LRCH3: variants seen among roughly 807,000 people sequenced by gnomAD.
LRCH3 encodes the protein leucine rich repeats and calponin homology domain containing 3, also known as DISP complex protein LRCH3.
LRCH3 carries 68 observed loss-of-function variants against 104.5 expected under a neutral mutation model. The ratio of observed to expected loss-of-function variants is 0.65; its 90% CI spans 0.54 to 0.80. The LOEUF is 0.80. Ranked by LOEUF, LRCH3 falls within the 30% of genes least tolerant of loss-of-function variation. The probability of loss-of-function intolerance (pLI) is 0.00; values close to 1 mark genes in which losing one functional copy is unlikely to be tolerated. For synonymous variants in LRCH3, 344 were observed against 361.3 expected (o/e 0.95, Z 0.54); for missense variants, 951 against 953.9 (o/e 1.00, Z 0.04).
At chr3:197,873,422 GCTGAGCCCTCCTACCT>G (rs1467837135) in intron 19 of LRCH3, among the ~76,000 whole-genome samples, 3 of 152,126 alleles carry the variant, frequency 2.0e-5, no homozygotes, top group African/African-American at 7.2e-5. Flanking sequence ...CAAGCATGGG[GCTGAGCCCTCCTACCT>G]CAAGGAGGGA....
intron 20 of LRCH3, chr3:197,876,419 A>G (rs1712895544): frequency 6.6e-6 from 1 of 152,250 alleles, no homozygotes; most frequent in African/African-American, 2.4e-5. Flanking sequence ...CAGCTCAGTT[A>G]TAACTTTATT....
rs1354179045 is a variant in LRCH3, at chr3:197,884,764, G to A, written c.*1098G>A. 6.6e-6 allele frequency: 1 copy of A among 152,060 alleles called. No homozygotes were observed. The highest frequency in any genetic ancestry group is 1.5e-5 in the Non-Finnish European group (1 of 68,044). 9.4% of individuals were successfully genotyped at this position (152,060 alleles called of 1,614,324 possible). Reference sequence around the variant, plus strand: ...AAGGCAAAACAAAAATAATATAGAAGGCCTAGGTTTTGCATAGTCTTCTTT... The same window carrying A: ...AAGGCAAAACAAAAATAATATAGAAAGCCTAGGTTTTGCATAGTCTTCTTT... On this transcript the variant is annotated 3_prime_UTR_variant, in exon 21 of 21. Coordinates refer to ENST00000425562, the MANE Select transcript of LRCH3 (RefSeq NM_001365715.1).
At chr3:197,876,495 A>C (rs1455606786) in intron 20 of LRCH3, among the ~76,000 whole-genome samples, 1 of 152,258 alleles carries the variant, frequency 6.6e-6, no homozygotes, top group Non-Finnish European at 1.5e-5. Flanking sequence ...AACTTGATAC[A>C]GTCTTATCCA....
chr3:197,824,717 G>A (rs1252564019), intron 4 of LRCH3, among the ~76,000 whole-genome samples: 1 of 151,088 alleles, frequency 6.6e-6, no homozygotes, highest in African/African-American at 2.4e-5. Flanking sequence ...GATTATAGGA[G>A]CCCGCCACCA....
chr3:197,858,970 T>C (rs1486005859), intron 15 of LRCH3, 65 bp downstream of exon 15: 2 of 1,174,574 alleles, frequency 1.7e-6, no homozygotes, highest in Non-Finnish European at 2.6e-6. Flanking sequence ...GTCTTGAATT[T>C]TTTGGTGAAT....
intron 1 of LRCH3, among the ~76,000 whole-genome samples, chr3:197,801,160 C>T (rs1261334316): frequency 4.0e-5 from 6 of 150,238 alleles, no homozygotes; most frequent in East Asian, 3.9e-4. Flanking sequence ...ACCTTAGAAA[C>T]ATAATGTCGA....
At position 197,880,071 on chromosome 3, in the gene LRCH3, G is replaced by A. The variant is rs370945848; in HGVS notation, c.2209-3470G>A. Among the ~76,000 whole-genome samples the A allele has an allele frequency of 1.3e-3, 196 of 150,006 alleles. 3 individuals carry two copies. Among genetic ancestry groups the A allele is most frequent in the African/African-American group, 4.1e-3 (167 of 40,338 alleles). ...CGCCATTCTCCTGCCTCAGCCTCCC[G>A]AGTAGCTGGGACTACAGGCGCCCGC... On this transcript the variant is annotated intron_variant, in intron 20 of 20. Transcript: ENST00000425562.
chr3:197,830,273 G>A (rs1580694017), intron 6 of LRCH3, among the ~76,000 whole-genome samples: 2 of 152,152 alleles, frequency 1.3e-5, no homozygotes, highest in East Asian at 3.9e-4. Flanking sequence ...TTTGAAACAA[G>A]GTCTTACTAT....
At chr3:197,851,480 A>C (rs1739586733) in intron 12 of LRCH3, among the ~76,000 whole-genome samples, 1 of 152,178 alleles carries the variant, frequency 6.6e-6, no homozygotes. Context: ...AGGCATAAAA[A>C]CCAGATGGTT....
In LRCH3 at chr3:197,814,838, G is replaced by T. The variant is rs1172688638; in HGVS notation, c.263-70G>T. On this transcript the variant is annotated intron_variant, in intron 1 of 20. Coordinates refer to ENST00000425562, the MANE Select transcript of LRCH3 (RefSeq NM_001365715.1). ...ATAGTTTTATTTTTTAGTTTATGTGGAAAATCAAAAGATTTCAATAAAATA... is the reference window on the plus strand; with the variant it reads ...ATAGTTTTATTTTTTAGTTTATGTGTAAAATCAAAAGATTTCAATAAAATA... The T allele has an allele frequency of 1.6e-5, 21 of 1,324,090 alleles. No homozygotes were observed. The East Asian group carries it at 3.5e-4, about 22-fold the overall frequency. The allele number at this position is 1,324,090 out of a possible 1,614,324, so 82.0% of individuals were successfully genotyped here. A position where few individuals can be genotyped will look rare whatever the true frequency, so the allele number is the denominator to read the frequency against.
At chr3:197,879,888 C>A (rs1241513301) in intron 20 of LRCH3, among the ~76,000 whole-genome samples, 1 of 151,606 alleles carries the variant, frequency 6.6e-6, no homozygotes, top group Non-Finnish European at 1.5e-5. Context: ...GCTTCACACA[C>A]ACCTCACTAC....
rs1369905042 is a variant in LRCH3 at position 197,846,400 on chromosome 3, AC to A, written c.1329-1008del. 3.0e-3 allele frequency among the ~76,000 whole-genome samples: 427 copies of A among 143,092 alleles called. 21 individuals are homozygous for A. Among genetic ancestry groups the A allele is most frequent in the African/African-American group, 0.011 (392 of 35,566 alleles). The allele number at this position is 143,092 out of a possible 152,430, so 93.9% of individuals were successfully genotyped here. On this transcript the variant is annotated intron_variant, in intron 10 of 20. Transcript: ENST00000425562. Reference sequence around the variant, plus strand: ...CCTTGGGCCACAAAAAAAAAAAAAAACAAAAAAAAAACGGCTGGGCGCAGTG... The same window carrying A: ...CCTTGGGCCACAAAAAAAAAAAAAAAAAAAAAAAAACGGCTGGGCGCAGTG...
intron 10 of LRCH3, among the ~76,000 whole-genome samples, chr3:197,844,963 A>T (rs144760462): frequency 6.6e-6 from 1 of 152,058 alleles, no homozygotes; most frequent in African/African-American, 2.4e-5. Flanking sequence ...AGAAATAGCT[A>T]TTGGATTTGG....
At chr3:197,840,003 C>A (rs1395881026) in intron 10 of LRCH3, among the ~76,000 whole-genome samples, 1 of 150,716 alleles carries the variant, frequency 6.6e-6, no homozygotes, top group South Asian at 2.1e-4. Context: ...ATACAAAAAA[C>A]GAATTTCGAG....
rs755155304 is a variant in LRCH3, at chr3:197,887,480, CAG to C, written c.*3815_*3816del. 4 of 140,274 alleles carry C rather than the reference CAG, an allele frequency of 2.9e-5. No individual in the cohort carries two copies. The highest frequency in any genetic ancestry group is 6.1e-5 in the Non-Finnish European group (4 of 65,874). 8.7% of individuals were successfully genotyped at this position (140,274 alleles called of 1,614,324 possible). A position where few individuals can be genotyped will look rare whatever the true frequency, so the allele number is the denominator to read the frequency against. On this transcript the variant is annotated 3_prime_UTR_variant, in exon 21 of 21. Coordinates refer to ENST00000425562, the MANE Select transcript of LRCH3 (RefSeq NM_001365715.1). Reference sequence around the variant, plus strand: ...CCAGCAGAGCCCTTCCCATCACTGACAGTGTTGGGGGCTGAGAGCCCCCCAGC... The same window carrying C: ...CCAGCAGAGCCCTTCCCATCACTGACTGTTGGGGGCTGAGAGCCCCCCAGC...
chr3:197,819,007 T>C (rs1307862327), intron 3 of LRCH3, among the ~76,000 whole-genome samples: 2 of 151,770 alleles, frequency 1.3e-5, no homozygotes, highest in African/African-American at 4.8e-5. Flanking sequence ...GCACCTGTTA[T>C]CCCAGCAACT....
intron 4 of LRCH3, among the ~76,000 whole-genome samples, chr3:197,822,633 A>G (rs768837372): frequency 6.6e-6 from 1 of 152,202 alleles, no homozygotes; most frequent in Non-Finnish European, 1.5e-5. Context: ...GTGAAGCTTT[A>G]TTCCAACAGC....
intron 20 of LRCH3, among the ~76,000 whole-genome samples, chr3:197,879,975 T>G (rs546821725): frequency 1.6e-3 from 234 of 150,056 alleles, no homozygotes; most frequent in Non-Finnish European, 2.6e-3. Context: ...AGACGGAGTC[T>G]CGCTCTGTCA....
chr3:197,879,429 G>A (rs564693533), intron 20 of LRCH3, among the ~76,000 whole-genome samples: 42 of 151,662 alleles, frequency 2.8e-4, no homozygotes, highest in Admixed American at 1.9e-3. Context: ...GGCGGATCAC[G>A]AGGTCAGGAG....
Sources: allele counts gnomAD v4.1 joint callset (sites outside exome capture counted in the v4.1 genomes callset), GRCh38; gene constraint gnomAD v4.1.1; transcripts MANE v1.5; gene names NCBI Gene and HGNC (gene_info 2026-07-23, HGNC 2026-07-21).